The following TUBB6 variants were observed in gnomAD, a reference collection of about 807,000 sequenced individuals.
The protein encoded by TUBB6 is tubulin beta-6 chain.
In TUBB6, 18 loss-of-function variants were observed where a neutral mutation model predicts 32.3. The observed-to-expected ratio is 0.56, with a 90% CI of 0.39 to 0.83. The LOEUF is 0.83. Ranked by LOEUF, TUBB6 falls within the 40% of genes least tolerant of loss-of-function variation. The pLI is 0.00. For missense variants in TUBB6, 480 were observed against 632.0 expected, an observed-to-expected ratio of 0.76 and a Z score of 2.58; for synonymous variants, 280 against 265.8, an observed-to-expected ratio of 1.05 and a Z score of -0.52.
intron 3 of TUBB6, among the ~76,000 whole-genome samples, chr18:12,314,295 C>G (rs1229067085): frequency 2.0e-5 from 3 of 152,010 alleles, no homozygotes; most frequent in African/African-American, 7.2e-5. Flanking sequence ...AGAAATGGCC[C>G]TATCTCCCCC....
At chr18:12,322,126 C>A (rs1311736784) in intron 3 of TUBB6, among the ~76,000 whole-genome samples, 1 of 151,266 alleles carries the variant, frequency 6.6e-6, no homozygotes, top group Non-Finnish European at 1.5e-5. Flanking sequence ...CGTGGTGAAA[C>A]CCTCTCTCTA....
chr18:12,308,340 C>A lies in TUBB6; in HGVS notation c.48C>A (p.Ile16=). 1.4e-6 allele frequency: 2 copies of A among 1,478,784 alleles called. No individual in the cohort carries two copies. Among genetic ancestry groups the A allele is most frequent in the South Asian group, 2.6e-5 (2 of 78,044 alleles). 91.6% of individuals were successfully genotyped at this position (1,478,784 alleles called of 1,614,324 possible). ...HIQAGQCGNQ[I]GTKFWEVISD... ...AGGCGGGCCAGTGCGGGAACCAGAT[C>A]GGCACCAAGGTGGGCCTGGCGCGGT... Residue 16 remains isoleucine, a synonymous_variant, in exon 1 of 4, where the codon ATC becomes ATA. Coordinates refer to ENST00000317702, the MANE Select transcript of TUBB6 (RefSeq NM_032525.3).
At chr18:12,308,474 G>A in intron 1 of TUBB6, 125 bp downstream of exon 1, 3 of 858,704 alleles carry the variant, frequency 3.5e-6, no homozygotes, top group Non-Finnish European at 4.8e-6. Context: ...GCCCGGTGCG[G>A]ACCCGCGAGG....
Position 12,309,039 on chromosome 18 carries a change from G to A in TUBB6, c.166+244G>A, listed in dbSNP as rs545922018. Reference sequence around the variant, plus strand: ...CACCCGTTAGCGTTGTGAAATCAACGTAGCGGTTCCTGCCCAGCCTTCTCT... The same window carrying A: ...CACCCGTTAGCGTTGTGAAATCAACATAGCGGTTCCTGCCCAGCCTTCTCT... On this transcript the variant is annotated intron_variant, in intron 2 of 3. Transcript: ENST00000317702. Among the ~76,000 whole-genome samples the A allele has an allele frequency of 7.4e-4, 112 of 152,316 alleles. 1 individual carries two copies. Among genetic ancestry groups the A allele is most frequent in the African/African-American group, 2.6e-3 (108 of 41,580 alleles).
Position 12,326,037 on chromosome 18 carries a change from C to A in TUBB6, c.1248C>A (p.Asn416Lys). 1 of 1,614,174 alleles carries A rather than the reference C, an allele frequency of 6.2e-7. No individual in the cohort carries two copies. Among genetic ancestry groups the A allele is most frequent in the South Asian group, 1.1e-5 (1 of 91,078 alleles). ...MEFTEAESNMNDLVSEYQQYQ... is the reference protein window; with the variant it reads ...MEFTEAESNMKDLVSEYQQYQ... ...TCACCGAGGCGGAGAGCAACATGAA[C>A]GACCTGGTATCCGAGTACCAGCAGT... Residue 416 changes from asparagine to lysine, a missense_variant, in exon 4 of 4, where the codon AAC becomes AAA. Transcript: ENST00000317702.
At chr18:12,324,966 G>T (rs1907193434) in intron 3 of TUBB6, 101 bp from the exon 4 acceptor site, 1 of 1,509,408 alleles carries the variant, frequency 6.6e-7, no homozygotes, top group South Asian at 1.4e-5. Flanking sequence ...TTGGCTAACA[G>T]CACATCATGG....
At chr18:12,308,828 C>T (rs776214527) in intron 2 of TUBB6, 33 bp downstream of exon 2, 9 of 1,429,708 alleles carry the variant, frequency 6.3e-6, no homozygotes, top group African/African-American at 5.6e-5. Flanking sequence ...CCTGCCCGGC[C>T]GGGACCCGCG....
At chr18:12,324,444 AC>A (rs1300072794) in intron 3 of TUBB6, among the ~76,000 whole-genome samples, 260 of 38,964 alleles carry the variant, frequency 6.7e-3, no homozygotes, top group Middle Eastern at 0.047. Context: ...AAAGGAGAGA[AC>A]TTTTTTTTTT....
At chr18:12,310,375 C>T (rs1022383776) in intron 2 of TUBB6, among the ~76,000 whole-genome samples, 17 of 151,710 alleles carry the variant, frequency 1.1e-4, no homozygotes, top group Middle Eastern at 3.2e-3. Context: ...CCTGTGGTCC[C>T]AGCTACTTGG....
chr18:12,309,642 G>A (rs567561264), intron 2 of TUBB6, among the ~76,000 whole-genome samples: 1 of 152,268 alleles, frequency 6.6e-6, no homozygotes, highest in Non-Finnish European at 1.5e-5. Flanking sequence ...AGGACACTAA[G>A]GATAGTTCCA....
At chr18:12,328,764 T>A (rs1907415999), downstream of TUBB6, among the ~76,000 whole-genome samples, 1 of 152,204 alleles carries the variant, frequency 6.6e-6, no homozygotes, top group South Asian at 2.1e-4. Flanking sequence ...GTACTTTATA[T>A]CCAGAGCTCA....
At chr18:12,308,516 G>T in intron 1 of TUBB6, 167 bp downstream of exon 1, 2 of 683,436 alleles carry the variant, frequency 2.9e-6, no homozygotes, top group Admixed American at 3.9e-5. Context: ...GGGCGTGGCC[G>T]GCCGGGGACC....
downstream of TUBB6, chr18:12,328,875 A>G: frequency 2.6e-6 from 1 of 382,946 alleles, no homozygotes; most frequent in Non-Finnish European, 4.8e-6. Flanking sequence ...TCCTCTAAAA[A>G]GCAAGAAAAT....
intron 2 of TUBB6, among the ~76,000 whole-genome samples, chr18:12,309,866 C>G (rs1474751842): frequency 6.6e-6 from 1 of 152,190 alleles, no homozygotes; most frequent in Non-Finnish European, 1.5e-5. Flanking sequence ...GGGGAAACAG[C>G]CAGTGGCGTG....
Position 12,310,352 on chromosome 18 carries a change from G to A in TUBB6, c.167-591G>A, listed in dbSNP as rs571898344. On this transcript the variant is annotated intron_variant, in intron 2 of 3. Transcript: ENST00000317702. Reference sequence around the variant, plus strand: ...AAAATACAAAAAAAATTAGCCGGGCGTGGTGGTGGGCACCTGTGGTCCCAG... The same window carrying A: ...AAAATACAAAAAAAATTAGCCGGGCATGGTGGTGGGCACCTGTGGTCCCAG... Among the ~76,000 whole-genome samples, 38 of 152,070 alleles carry A rather than the reference G, an allele frequency of 2.5e-4. 1 individual carries two copies. The South Asian group carries it at 6.5e-3, about 26-fold the overall frequency.
chr18:12,308,864 C>T (rs901038763), intron 2 of TUBB6, 69 bp downstream of exon 2: 1 of 1,062,746 alleles, frequency 9.4e-7, no homozygotes, highest in Admixed American at 1.8e-5. Flanking sequence ...CGCCTCTTAG[C>T]GCGGCGAGTT....
downstream of TUBB6, among the ~76,000 whole-genome samples, chr18:12,327,438 T>C (rs535780015): frequency 2.0e-5 from 3 of 152,382 alleles, no homozygotes; most frequent in African/African-American, 7.2e-5. Flanking sequence ...ACTAGCTGTA[T>C]TTATTTTGTG....
Position 12,308,790 on chromosome 18 carries a change from C to G in TUBB6, c.161C>G (p.Ser54Ter). The change falls in exon 2 of 4, where the codon TCA (serine) becomes TGA (stop). Residue 54 changes from serine to a stop codon, truncating the protein, a stop_gained. Coordinates refer to ENST00000317702, the MANE Select transcript of TUBB6 (RefSeq NM_032525.3). LOFTEE classifies it high-confidence loss of function. ...AGAATCAACGTCTACTACAATGAGTCATCGTGTGAGTAGCAAGGCCGCCGC... is the reference window on the plus strand; with the variant it reads ...AGAATCAACGTCTACTACAATGAGTGATCGTGTGAGTAGCAAGGCCGCCGC... The part of the protein sequence containing the change: ...LERINVYYNE[S>*]SSQKYVPRAA... The G allele has an allele frequency of 6.2e-7, 1 of 1,600,778 alleles. No homozygotes were observed. The highest frequency in any genetic ancestry group is 8.6e-7 in the Non-Finnish European group (1 of 1,168,390).
At chr18:12,309,186 C>T (rs1222807641) in intron 2 of TUBB6, among the ~76,000 whole-genome samples, 1 of 143,334 alleles carries the variant, frequency 7.0e-6, no homozygotes, top group African/African-American at 2.6e-5. Context: ...CACCCCCCGC[C>T]CCCCTCCCGC....
Sources: gnomAD v4.1 joint callset for allele counts (sites outside exome capture counted in the v4.1 genomes callset) on GRCh38, gnomAD v4.1.1 for gene constraint, MANE v1.5 for transcripts, NCBI Gene and HGNC (gene_info 2026-07-23, HGNC 2026-07-21) for gene names.